Variants in UNC79 observed in about 807,000 individuals in gnomAD.
UNC79 encodes the protein protein unc-79 homolog.
UNC79 carries 37 observed loss-of-function variants against 283.1 expected under a neutral mutation model. That is an observed-to-expected ratio of 0.13 (90% CI 0.10 to 0.17). The LOEUF (loss-of-function observed/expected upper bound fraction) is 0.17, where lower values mean the gene tolerates loss of function less well. Ranked by LOEUF, UNC79 falls within the 10% of genes least tolerant of loss-of-function variation. UNC79 has a pLI of 1.00. For missense variants in UNC79, 2,272 were observed against 3,211.1 expected, an observed-to-expected ratio of 0.71 and a Z score of 7.07; for synonymous variants, 1,107 against 1,200.2, an observed-to-expected ratio of 0.92 and a Z score of 1.61.
chr14:93,391,360 TG>T (rs562804291), intron 1 of UNC79, among the ~76,000 whole-genome samples: 34 of 152,190 alleles, frequency 2.2e-4, no homozygotes, highest in Non-Finnish European at 3.8e-4. Flanking sequence ...TGAAGGTGCA[TG>T]GCAAACAGTG....
intron 45 of UNC79, chr14:93,691,136 A>G (rs2074660067): frequency 1.3e-5 from 2 of 154,396 alleles, no homozygotes; most frequent in African/African-American, 4.8e-5. Context: ...TGTGAGCTTG[A>G]CAAGTGTGTC....
At chr14:93,620,542 G>A (rs1252795397) in intron 29 of UNC79, among the ~76,000 whole-genome samples, 4 of 152,186 alleles carry the variant, frequency 2.6e-5, no homozygotes, top group African/African-American at 7.2e-5. Flanking sequence ...ACAAGTCCAA[G>A]CAGTGTCACA....
chr14:93,648,954 G>T (rs762789022), intron 35 of UNC79, among the ~76,000 whole-genome samples: 1 of 152,086 alleles, frequency 6.6e-6, no homozygotes, highest in Admixed American at 6.6e-5. Flanking sequence ...TAAGCAGCAA[G>T]GTGTGTGTGT....
chr14:93,471,500 A>G (rs11623158), intron 2 of UNC79, among the ~76,000 whole-genome samples: 1,853 of 152,130 alleles, frequency 0.012, 30 homozygotes, highest in African/African-American at 0.039. Context: ...TTGGGTTTAC[A>G]GAACTGTGGG....
At chr14:93,431,556 G>T (rs911933754) in intron 1 of UNC79, among the ~76,000 whole-genome samples, 5 of 152,190 alleles carry the variant, frequency 3.3e-5, no homozygotes, top group African/African-American at 1.2e-4. Context: ...GGAGAGAAGG[G>T]GGAGGGAGCA....
rs535235954 is a variant in UNC79, at chr14:93,695,890, C to CAAAAAAAAAAAAAAAAAAAAAAA, written c.7548+1498_7548+1499insAAAAAAAAAAAAAAAAAAAAAAA. On this transcript the variant is annotated intron_variant, in intron 47 of 48. Coordinates refer to ENST00000555664, the Ensembl canonical transcript of UNC79. ...TGGGCAACAGGATGAGACTTTGTCT[C>CAAAAAAAAAAAAAAAAAAAAAAA]AAAAAAAAAAAAAAAAAAAAGCAAA... Among the ~76,000 whole-genome samples the CAAAAAAAAAAAAAAAAAAAAAAA allele has an allele frequency of 2.7e-3, 106 of 39,346 alleles. 1 individual carries two copies. The highest frequency in any genetic ancestry group is 0.021 in the Middle Eastern group (1 of 48). The allele number at this position is 39,346 out of a possible 152,430, so 25.8% of individuals were successfully genotyped here.
chr14:93,540,580 G>A (rs770357115), intron 12 of UNC79, 80 bp from the exon 13 acceptor site: 49 of 1,501,242 alleles, frequency 3.3e-5, no homozygotes, highest in Non-Finnish European at 4.3e-5. Context: ...GAGTACTCGT[G>A]AGGTACTTCC....
At chr14:93,495,448 C>T (rs965635633) in intron 5 of UNC79, among the ~76,000 whole-genome samples, 3 of 152,144 alleles carry the variant, frequency 2.0e-5, no homozygotes, top group Admixed American at 2.0e-4. Context: ...TAGGTTTCTT[C>T]CTAAAACCTG....
intron 4 of UNC79, among the ~76,000 whole-genome samples, chr14:93,483,589 T>A (rs1388375942): frequency 6.6e-6 from 1 of 151,638 alleles, no homozygotes; most frequent in African/African-American, 2.4e-5. Flanking sequence ...TTGTTACATA[T>A]GTATACATGT....
intron 1 of UNC79, chr14:93,347,955 G>T: frequency 1.1e-6 from 1 of 882,428 alleles, no homozygotes. Flanking sequence ...TTTTTTTTAA[G>T]CACTTTTTGT....
At position 93,612,850 on chromosome 14, in the gene UNC79, G is replaced by A. The variant is rs552892352; in HGVS notation, c.3808G>A (p.Ala1270Thr). 1.4e-5 allele frequency: 22 copies of A among 1,614,026 alleles called. No individual in the cohort carries two copies. In the Admixed American group the frequency reaches 2.3e-4, roughly 17 times the overall value. ...CATCAAGGACCTGCTCCCAGAAGAC[G>A]CTGGGATCGACCACCAGACAGTTCA... is the stretch of plus-strand genomic sequence containing the variant. The change falls in exon 27 of 49, where the codon GCT becomes ACT. Residue 1270 changes from alanine (A) to threonine (T), a missense_variant. Physicochemically the swap from Ala to Thr is moderately conservative, Grantham distance 58. Transcript: ENST00000555664.
chr14:93,394,176 C>T (rs866818183), intron 1 of UNC79, among the ~76,000 whole-genome samples: 2 of 152,084 alleles, frequency 1.3e-5, no homozygotes, highest in South Asian at 2.1e-4. Flanking sequence ...GTTTCATTTG[C>T]CTTATTTAGC....
chr14:93,557,974 A>C (rs1223213904), intron 14 of UNC79, among the ~76,000 whole-genome samples: 2 of 152,204 alleles, frequency 1.3e-5, no homozygotes, highest in African/African-American at 2.4e-5. Context: ...GATGGCAGAG[A>C]CTGAGAGAGA....
At chr14:93,487,537 A>G (rs2058504009) in intron 4 of UNC79, 126 bp from the exon 5 acceptor site, 2 of 677,650 alleles carry the variant, frequency 3.0e-6, no homozygotes, top group South Asian at 5.4e-5. Context: ...TTTGTGCAAA[A>G]CTTCCATTAG....
chr14:93,541,444 A>C (rs2061365473), intron 13 of UNC79, among the ~76,000 whole-genome samples: 1 of 152,204 alleles, frequency 6.6e-6, no homozygotes, highest in Non-Finnish European at 1.5e-5. Flanking sequence ...TGTTTTGCTC[A>C]TTGGAGACAT....
At chr14:93,483,061 T>G (rs2058221332) in intron 4 of UNC79, among the ~76,000 whole-genome samples, 1 of 152,212 alleles carries the variant, frequency 6.6e-6, no homozygotes, top group Non-Finnish European at 1.5e-5. Flanking sequence ...GCTCCATGCT[T>G]TATTCTCTGT....
chr14:93,630,846 C>T, exon 31 of UNC79: 2 of 1,614,050 alleles, frequency 1.2e-6, no homozygotes, highest in South Asian at 2.2e-5. Context: ...CCACGAGAAT[C>T]TTCATCTGCC....
At chr14:93,637,651 T>G (rs1055022631) in intron 32 of UNC79, among the ~76,000 whole-genome samples, 2 of 152,134 alleles carry the variant, frequency 1.3e-5, no homozygotes, top group African/African-American at 4.8e-5. Flanking sequence ...AGAGATGAGG[T>G]TTCACCATGT....
chr14:93,569,812 G>A (rs569879422), intron 14 of UNC79, among the ~76,000 whole-genome samples: 8 of 152,302 alleles, frequency 5.3e-5, no homozygotes, highest in African/African-American at 1.9e-4. Flanking sequence ...TATAGTATCT[G>A]CAAGCATCTT....
Sources: allele counts gnomAD v4.1 joint callset (sites outside exome capture counted in the v4.1 genomes callset), GRCh38; gene constraint gnomAD v4.1.1; transcripts MANE v1.5; gene names NCBI Gene and HGNC (gene_info 2026-07-23, HGNC 2026-07-21).